The following NEU3 variants were observed in gnomAD, a reference collection of about 807,000 sequenced individuals.
The protein encoded by NEU3 is sialidase-3.
Under a neutral mutation model 11.4 loss-of-function variants are expected in NEU3, and 10 were observed. The ratio of observed to expected loss-of-function variants is 0.88; its 90% CI spans 0.54 to 1.49. NEU3 has a LOEUF of 1.49. NEU3 is among the 40% of genes most tolerant of loss of function. The probability of loss-of-function intolerance (pLI) is 0.00; values close to 1 mark genes in which losing one functional copy is unlikely to be tolerated. For missense variants in NEU3, 529 were observed against 581.8 expected, an observed-to-expected ratio of 0.91 and a Z score of 0.93; for synonymous variants, 212 against 228.2, an observed-to-expected ratio of 0.93 and a Z score of 0.64.
At chr11:74,996,618 T>G (rs1189270976) in intron 2 of NEU3, among the ~76,000 whole-genome samples, 1 of 152,220 alleles carries the variant, frequency 6.6e-6, no homozygotes, top group African/African-American at 2.4e-5. Context: ...TATTATGACC[T>G]CCCATGAATC....
chr11:74,981,735 A>T, the NEU3 span, among the ~76,000 whole-genome samples: 1 of 152,350 alleles, frequency 6.6e-6, no homozygotes, highest in East Asian at 1.9e-4. Context: ...AAATTTTAGT[A>T]ATGAAAATTG....
chr11:75,000,541 G>T (rs1213657813), intron 2 of NEU3, among the ~76,000 whole-genome samples: 1 of 151,648 alleles, frequency 6.6e-6, no homozygotes, highest in African/African-American at 2.4e-5. Flanking sequence ...TTTCATCCAT[G>T]TTGTAGCATG....
chr11:74,983,842 G>C (rs956721086), upstream of NEU3, among the ~76,000 whole-genome samples: 1 of 152,144 alleles, frequency 6.6e-6, no homozygotes, highest in Admixed American at 6.5e-5. Context: ...GTCTCAGACC[G>C]AGTACAGGGT....
At chr11:74,988,764 G>A, upstream of NEU3, 1 of 455,860 alleles carries the variant, frequency 2.2e-6, no homozygotes, top group African/African-American at 2.1e-5. Flanking sequence ...GAGGGTGGAG[G>A]TGGTGCCGGT....
chr11:74,988,072 T>C (rs1948689281), upstream of NEU3: 1 of 152,016 alleles, frequency 6.6e-6, no homozygotes, highest in African/African-American at 2.4e-5. Flanking sequence ...ATGAGAAAAA[T>C]ATCACGAATT....
At chr11:74,990,389 C>T (rs1948717214) in intron 1 of NEU3, among the ~76,000 whole-genome samples, 1 of 151,880 alleles carries the variant, frequency 6.6e-6, no homozygotes, top group Non-Finnish European at 1.5e-5. Flanking sequence ...TGGAGTCTTG[C>T]TGTGTCACCC....
At chr11:75,013,882 AAAG>A (rs545540117), downstream of NEU3, among the ~76,000 whole-genome samples, 44 of 152,278 alleles carry the variant, frequency 2.9e-4, no homozygotes, top group Non-Finnish European at 5.1e-4. Context: ...GTCGTATAGC[AAAG>A]AAGAGGCAGA....
chr11:75,002,178 C>T (rs558708919), intron 2 of NEU3, among the ~76,000 whole-genome samples: 97 of 152,182 alleles, frequency 6.4e-4, no homozygotes, highest in Non-Finnish European at 1.0e-3. Context: ...CCTCAGACTT[C>T]CAAGTAGATA....
chr11:75,006,580 C>G lies in NEU3; in HGVS notation c.*88C>G. 1.4e-6 allele frequency: 2 copies of G among 1,433,578 alleles called. No homozygotes were observed. Among genetic ancestry groups the G allele is most frequent in the South Asian group, 2.8e-5 (2 of 71,532 alleles). The allele number at this position is 1,433,578 out of a possible 1,614,324, so 88.8% of individuals were successfully genotyped here. A position where few individuals can be genotyped will look rare whatever the true frequency, so the allele number is the denominator to read the frequency against. On this transcript the variant is annotated 3_prime_UTR_variant, in exon 3 of 3. Transcript: ENST00000294064. ...CTGAAGTCTACAGATAATCAAAAAA[C>G]TTAATATTCTGTTCCCTACCTTTTT...
upstream of NEU3, among the ~76,000 whole-genome samples, chr11:74,986,107 A>T (rs1199838630): frequency 6.6e-6 from 1 of 152,218 alleles, no homozygotes. Context: ...GTATTGTGCA[A>T]CTTGCTTTTT....
At chr11:74,998,500 A>G (rs1274427686) in intron 2 of NEU3, among the ~76,000 whole-genome samples, 1 of 152,014 alleles carries the variant, frequency 6.6e-6, no homozygotes, top group Non-Finnish European at 1.5e-5. Context: ...AGTCTTTTGT[A>G]AAAAAAATAT....
downstream of NEU3, among the ~76,000 whole-genome samples, chr11:75,013,231 C>A (rs4944968): frequency 6.6e-6 from 1 of 151,968 alleles, no homozygotes; most frequent in Non-Finnish European, 1.5e-5. Flanking sequence ...ATGAGCACAA[C>A]CCTTGCCCAG....
chr11:74,986,096 TG>T (rs1490915781), upstream of NEU3, among the ~76,000 whole-genome samples: 1 of 152,244 alleles, frequency 6.6e-6, no homozygotes, highest in Non-Finnish European at 1.5e-5. Context: ...CCATTCTCTC[TG>T]TATTGTGCAA....
At chr11:74,988,716 G>T, upstream of NEU3, 1 of 347,334 alleles carries the variant, frequency 2.9e-6, no homozygotes, top group South Asian at 3.0e-5. Context: ...GGCGGCCGTT[G>T]GGAACTGAGG....
intron 2 of NEU3, among the ~76,000 whole-genome samples, chr11:74,998,438 T>C (rs1948813756): frequency 6.6e-6 from 1 of 152,164 alleles, no homozygotes; most frequent in Non-Finnish European, 1.5e-5. Flanking sequence ...ATTGTTGCTT[T>C]CCTCTCTCCC....
At chr11:75,016,795 G>A (rs1005016658) in intron 3 of NEU3, among the ~76,000 whole-genome samples, 1 of 152,214 alleles carries the variant, frequency 6.6e-6, no homozygotes, top group African/African-American at 2.4e-5. Context: ...CATGGATTCA[G>A]GAAGATGCCA....
At chr11:74,996,823 G>A (rs912728664) in intron 2 of NEU3, among the ~76,000 whole-genome samples, 17 of 152,188 alleles carry the variant, frequency 1.1e-4, no homozygotes, top group Non-Finnish European at 4.4e-5. Flanking sequence ...ATTAGTGGCC[G>A]TGAAAACAAC....
At chr11:74,995,079 C>A in intron 2 of NEU3, 1 of 544,034 alleles carries the variant, frequency 1.8e-6, no homozygotes. Context: ...TTAGATTCAG[C>A]TAACGTATGA....
chr11:75,006,116 C>G lies in NEU3; in HGVS notation c.1010C>G (p.Pro337Arg), dbSNP rs1481540642. 6.2e-7 allele frequency: 1 copy of G among 1,613,990 alleles called. No homozygotes were observed. The highest frequency in any genetic ancestry group is 8.5e-7 in the Non-Finnish European group (1 of 1,179,880). The change falls in exon 3 of 3, where the codon CCC becomes CGC. Residue 337 changes from proline (P) to arginine (R), a missense_variant. Coordinates refer to ENST00000294064, the MANE Select transcript of NEU3 (RefSeq NM_006656.6). ...RCQDSSSKDAPTIQQSSPGSS... is the reference protein window; with the variant it reads ...RCQDSSSKDARTIQQSSPGSS... ...CAGGACTCTAGCAGCAAAGATGCAC[C>G]CACCATTCAGCAGAGCTCTCCAGGC...
Sources: allele counts gnomAD v4.1 joint callset (sites outside exome capture counted in the v4.1 genomes callset), GRCh38; gene constraint gnomAD v4.1.1; transcripts MANE v1.5; gene names NCBI Gene and HGNC (gene_info 2026-07-23, HGNC 2026-07-21).